The following RBFOX1 variants were observed in gnomAD, a reference collection of about 807,000 sequenced individuals.
RBFOX1 encodes RNA binding protein fox-1 homolog 1.
A neutral mutation model predicts 57.7 loss-of-function variants in RBFOX1; 8 were observed. The ratio of observed to expected loss-of-function variants is 0.14; its 90% CI spans 0.08 to 0.25. The LOEUF (loss-of-function observed/expected upper bound fraction) is 0.25. Among genes scored for constraint, RBFOX1 ranks in the 10% least tolerant of loss-of-function variants. The pLI is 1.00. For synonymous variants in RBFOX1, 326 were observed against 222.4 expected (o/e 1.47, Z -4.15); for missense variants, 611 against 548.5 (o/e 1.11, Z -1.14).
chr16:7,197,171 G>T (rs866253100), intron 4 of RBFOX1, among the ~76,000 whole-genome samples: 1 of 152,130 alleles, frequency 6.6e-6, no homozygotes, highest in African/African-American at 2.4e-5. Flanking sequence ...GGTTTCTCCA[G>T]GCTGTTGAAA....
intron 2 of RBFOX1, among the ~76,000 whole-genome samples, chr16:5,574,203 G>A (rs749448226): frequency 6.6e-6 from 1 of 152,110 alleles, no homozygotes; most frequent in Non-Finnish European, 1.5e-5. Flanking sequence ...TTTTTTCCAA[G>A]TGAAGAAACA....
At chr16:7,516,168 CAGGCTT>C (rs1415671605) in intron 4 of RBFOX1, among the ~76,000 whole-genome samples, 1 of 152,108 alleles carries the variant, frequency 6.6e-6, no homozygotes, top group Non-Finnish European at 1.5e-5. Context: ...TTGGCAGCTC[CAGGCTT>C]ATGATGTTTT....
chr16:6,987,779 A>G (rs2090619712), intron 3 of RBFOX1, among the ~76,000 whole-genome samples: 2 of 152,170 alleles, frequency 1.3e-5, no homozygotes, highest in African/African-American at 4.8e-5. Context: ...GGAGAATAAG[A>G]ACGAACATTG....
intron 2 of RBFOX1, among the ~76,000 whole-genome samples, chr16:6,554,908 T>C (rs1183511056): frequency 6.6e-6 from 1 of 152,072 alleles, no homozygotes; most frequent in African/African-American, 2.4e-5. Flanking sequence ...AAGCCCAGAG[T>C]ATGCTTTTTC....
chr16:7,180,299 A>G (rs2082446988), intron 4 of RBFOX1, among the ~76,000 whole-genome samples: 1 of 152,160 alleles, frequency 6.6e-6, no homozygotes, highest in Non-Finnish European at 1.5e-5. Context: ...AGGGTGCTAT[A>G]ATTATTCCCA....
intron 3 of RBFOX1, among the ~76,000 whole-genome samples, chr16:7,037,417 A>G (rs2044825003): frequency 6.6e-6 from 1 of 151,488 alleles, no homozygotes; most frequent in Non-Finnish European, 1.5e-5. Context: ...TCTTAGCTTC[A>G]TTTTACCCAG....
At chr16:7,126,831 A>G (rs912984302) in intron 4 of RBFOX1, among the ~76,000 whole-genome samples, 1 of 151,666 alleles carries the variant, frequency 6.6e-6, no homozygotes, top group Admixed American at 6.6e-5. Context: ...ATACGGTGAA[A>G]CCTCATCTCT....
At position 5,605,607 on chromosome 16, in the gene RBFOX1, C is replaced by A. The variant is rs72633288; in HGVS notation, c.318+6646C>A. ...GAGTGGTGCCACTGATGAGTAATGT[C>A]TGCCTTGGGTCTAGGAGGGGAGAGT... On this transcript the variant is annotated intron_variant, in intron 3 of 19. Transcript: ENST00000641259. Among the ~76,000 whole-genome samples, 1,370 of 151,436 alleles carry A rather than the reference C, an allele frequency of 9.0e-3. 52 individuals carry two copies. In the East Asian group the frequency reaches 0.13, roughly 14 times the overall value.
At chr16:7,215,756 G>A (rs1422734211) in intron 4 of RBFOX1, among the ~76,000 whole-genome samples, 1 of 125,010 alleles carries the variant, frequency 8.0e-6, no homozygotes, top group Admixed American at 9.6e-5. Context: ...ACGGAGTCTT[G>A]CTCTGTTGTC....
intron 4 of RBFOX1, among the ~76,000 whole-genome samples, chr16:7,115,584 G>T (rs763437627): frequency 6.6e-6 from 1 of 152,168 alleles, no homozygotes; most frequent in Non-Finnish European, 1.5e-5. Flanking sequence ...CAGGCTGGAA[G>T]TTTGCTGCCC....
At chr16:6,565,690 G>T (rs1446681707) in intron 2 of RBFOX1, among the ~76,000 whole-genome samples, 2 of 151,806 alleles carry the variant, frequency 1.3e-5, no homozygotes, top group South Asian at 2.1e-4. Context: ...GGATGGTCTC[G>T]ATCTCCTGAC....
chr16:6,496,887 G>T (rs2095785732), intron 2 of RBFOX1, among the ~76,000 whole-genome samples: 1 of 152,162 alleles, frequency 6.6e-6, no homozygotes, highest in Non-Finnish European at 1.5e-5. Context: ...TTGAACCCAG[G>T]AGGTGGAGAT....
At chr16:7,185,292 C>G (rs1224299101) in intron 4 of RBFOX1, among the ~76,000 whole-genome samples, 2 of 151,704 alleles carry the variant, frequency 1.3e-5, no homozygotes, top group African/African-American at 4.8e-5. Flanking sequence ...TTTTTTTTTC[C>G]CTAATGATTC....
At chr16:6,012,910 C>T (rs1431006263) in intron 4 of RBFOX1, among the ~76,000 whole-genome samples, 9 of 152,132 alleles carry the variant, frequency 5.9e-5, no homozygotes. Context: ...AATGTGATAA[C>T]AATCTTCTAG....
intron 14 of RBFOX1, among the ~76,000 whole-genome samples, chr16:7,682,467 C>G (rs1231619494): frequency 7.1e-6 from 1 of 140,948 alleles, no homozygotes; most frequent in Non-Finnish European, 1.6e-5. Context: ...GCTGTGGAAT[C>G]AATACGTGGC....
chr16:6,488,750 T>A lies in RBFOX1; in HGVS notation c.-63-165853T>A, dbSNP rs2095560900. Among the ~76,000 whole-genome samples, 4 of 152,278 alleles carry A rather than the reference T, an allele frequency of 2.6e-5. No individual in the cohort carries two copies. The South Asian group carries it at 8.3e-4, about 32-fold the overall frequency. On this transcript the variant is annotated intron_variant, in intron 2 of 15. Transcript: ENST00000550418. ...TTCCTCCCCTAACCCATAATAATAT[T>A]TAACAACATTTTGAAGACAGTTTTT...
chr16:7,322,195 G>A (rs1379108207), intron 4 of RBFOX1, among the ~76,000 whole-genome samples: 3 of 152,240 alleles, frequency 2.0e-5, no homozygotes, highest in Non-Finnish European at 4.4e-5. Flanking sequence ...GTTCTGAGAT[G>A]ACTGCTAGTT....
At chr16:7,224,761 C>G (rs374172330) in intron 4 of RBFOX1, among the ~76,000 whole-genome samples, 1 of 152,184 alleles carries the variant, frequency 6.6e-6, no homozygotes, top group African/African-American at 2.4e-5. Flanking sequence ...ATGTGAGTGT[C>G]CAAAGTCCTC....
At chr16:6,862,086 T>G (rs1384376443) in intron 3 of RBFOX1, among the ~76,000 whole-genome samples, 1 of 152,132 alleles carries the variant, frequency 6.6e-6, no homozygotes, top group African/African-American at 2.4e-5. Context: ...TGAGAAGATG[T>G]CATTGGGCTG....
Sources: allele counts gnomAD v4.1 joint callset (sites outside exome capture counted in the v4.1 genomes callset), GRCh38; gene constraint gnomAD v4.1.1; transcripts MANE v1.5; gene names NCBI Gene and HGNC (gene_info 2026-07-23, HGNC 2026-07-21).